Variants in MACROD2 observed in about 807,000 individuals in gnomAD.
MACROD2 encodes mono-ADP ribosylhydrolase 2, also known as ADP-ribose glycohydrolase MACROD2.
A neutral mutation model predicts 70.4 loss-of-function variants in MACROD2; 36 were observed. That is an observed-to-expected ratio of 0.51 (90% CI 0.39 to 0.68). The LOEUF (loss-of-function observed/expected upper bound fraction) is 0.68. MACROD2 is among the 30% of genes least tolerant of loss of function. The pLI, the probability that MACROD2 is intolerant of heterozygous loss-of-function variation, is 0.00. For missense variants in MACROD2, 496 were observed against 538.4 expected (o/e 0.92, Z 0.78); for synonymous variants, 172 against 178.8 (o/e 0.96, Z 0.30).
chr20:15,851,980 A>G (rs2064304270), intron 8 of MACROD2, among the ~76,000 whole-genome samples: 1 of 152,126 alleles, frequency 6.6e-6, no homozygotes, highest in Admixed American at 6.6e-5. Context: ...TTTGACTGGC[A>G]TTTCCCCTCA....
At chr20:15,880,728 A>C (rs1030145788) in intron 9 of MACROD2, among the ~76,000 whole-genome samples, 1 of 152,020 alleles carries the variant, frequency 6.6e-6, no homozygotes, top group Non-Finnish European at 1.5e-5. Context: ...TATTACTTGA[A>C]TGGGATTCAG....
intron 3 of MACROD2, among the ~76,000 whole-genome samples, chr20:14,195,687 G>T (rs75406187): frequency 0.016 from 2,494 of 152,198 alleles, 66 homozygotes; most frequent in African/African-American, 0.057. Flanking sequence ...AGGGGAGCAC[G>T]CCGGATGCTA....
intron 8 of MACROD2, among the ~76,000 whole-genome samples, chr20:15,604,859 A>AT (rs1282714241): frequency 6.6e-6 from 1 of 152,210 alleles, no homozygotes; most frequent in Non-Finnish European, 1.5e-5. Flanking sequence ...TGATGAAATA[A>AT]TTTCATAACA....
chr20:15,112,870 T>C (rs950622755), intron 5 of MACROD2, among the ~76,000 whole-genome samples: 7 of 152,168 alleles, frequency 4.6e-5, no homozygotes, highest in Non-Finnish European at 1.0e-4. Flanking sequence ...AGGTATGTCA[T>C]ATAAGTGGAA....
chr20:15,046,562 T>A (rs1282418856), intron 5 of MACROD2, among the ~76,000 whole-genome samples: 1 of 152,236 alleles, frequency 6.6e-6, no homozygotes, highest in Admixed American at 6.5e-5. Flanking sequence ...CACACATGCA[T>A]GTATGTATTA....
chr20:15,659,310 T>A (rs113736269), intron 8 of MACROD2, among the ~76,000 whole-genome samples: 1 of 124,456 alleles, frequency 8.0e-6, no homozygotes, highest in African/African-American at 3.2e-5. Context: ...ACAGCTTTTT[T>A]TTTTTTTTTT....
intron 8 of MACROD2, among the ~76,000 whole-genome samples, chr20:15,778,834 T>C (rs150485460): frequency 7.2e-5 from 11 of 152,122 alleles, no homozygotes; most frequent in Admixed American, 7.2e-4. Context: ...TTGAAGGAAC[T>C]GACCAGCAAA....
intron 4 of MACROD2, among the ~76,000 whole-genome samples, chr20:14,602,433 G>A (rs1187996657): frequency 1.3e-5 from 2 of 152,108 alleles, no homozygotes; most frequent in African/African-American, 4.8e-5. Context: ...GAACCTCTGG[G>A]GACTCTTCCC....
At chr20:15,525,203 T>A (rs2047706004) in intron 8 of MACROD2, among the ~76,000 whole-genome samples, 1 of 152,180 alleles carries the variant, frequency 6.6e-6, no homozygotes, top group Non-Finnish European at 1.5e-5. Flanking sequence ...CTCTTGCACT[T>A]CTCCCTCAGA....
At chr20:14,342,530 A>G (rs1164871803) in intron 3 of MACROD2, among the ~76,000 whole-genome samples, 1 of 152,184 alleles carries the variant, frequency 6.6e-6, no homozygotes, top group Non-Finnish European at 1.5e-5. Context: ...AAATATATAG[A>G]GAGTGCACTA....
At chr20:14,329,989 A>G (rs549306546) in intron 3 of MACROD2, among the ~76,000 whole-genome samples, 1 of 152,068 alleles carries the variant, frequency 6.6e-6, no homozygotes, top group South Asian at 2.1e-4. Context: ...TTCAAGTCAT[A>G]TTTAGTTTTT....
intron 3 of MACROD2, among the ~76,000 whole-genome samples, chr20:14,192,065 A>G (rs916961308): frequency 6.6e-6 from 1 of 152,214 alleles, no homozygotes; most frequent in Non-Finnish European, 1.5e-5. Context: ...ACATCACTAC[A>G]GAGTCTTTCA....
At chr20:15,200,428 G>A (rs142062033) in intron 5 of MACROD2, among the ~76,000 whole-genome samples, 1 of 152,298 alleles carries the variant, frequency 6.6e-6, no homozygotes, top group East Asian at 1.9e-4. Context: ...ATCACTGTTA[G>A]TAGCTGCAGA....
At chr20:15,611,049 C>G (rs1044700692) in intron 8 of MACROD2, among the ~76,000 whole-genome samples, 2 of 131,470 alleles carry the variant, frequency 1.5e-5, no homozygotes, top group Non-Finnish European at 3.1e-5. Context: ...TCTGCCCTCT[C>G]AGTCTGCCAA....
At chr20:14,329,363 A>G (rs2082792911) in intron 3 of MACROD2, 1 of 152,138 alleles carries the variant, frequency 6.6e-6, no homozygotes, top group Non-Finnish European at 1.5e-5. Flanking sequence ...ACTATTAATA[A>G]TGAACTTTAA....
chr20:15,032,242 C>T (rs1343543187), intron 5 of MACROD2, among the ~76,000 whole-genome samples: 2 of 152,188 alleles, frequency 1.3e-5, no homozygotes, highest in Non-Finnish European at 2.9e-5. Flanking sequence ...GGAGCTGTGG[C>T]TGGGCGACTG....
At position 15,261,700 on chromosome 20, in the gene MACROD2, A is replaced by C. The variant is rs369087226; in HGVS notation, c.540+31639A>C. On this transcript the variant is annotated intron_variant, in intron 6 of 17. Transcript: ENST00000684519. ...TATAGAACAATTAGCTAAAATTAGCATGTAAATTTGAACAATATTATATTG... is the reference window on the plus strand; with the variant it reads ...TATAGAACAATTAGCTAAAATTAGCCTGTAAATTTGAACAATATTATATTG... Among the ~76,000 whole-genome samples the C allele has an allele frequency of 2.6e-5, 4 of 152,128 alleles. No individual in the cohort carries two copies. In the South Asian group the frequency reaches 8.3e-4, roughly 32 times the overall value.
intron 3 of MACROD2, among the ~76,000 whole-genome samples, chr20:14,464,229 T>G (rs2084409794): frequency 6.6e-6 from 1 of 152,052 alleles, no homozygotes; most frequent in Admixed American, 6.6e-5. Flanking sequence ...ATTGGTCTAT[T>G]CAGAGATTCA....
intron 9 of MACROD2, among the ~76,000 whole-genome samples, chr20:15,877,416 A>G (rs1316617474): frequency 6.6e-6 from 1 of 152,020 alleles, no homozygotes; most frequent in Non-Finnish European, 1.5e-5. Flanking sequence ...TTGAGTGCTC[A>G]TTTTGGCCAA....
Sources: allele counts gnomAD v4.1 joint callset (sites outside exome capture counted in the v4.1 genomes callset), GRCh38; gene constraint gnomAD v4.1.1; transcripts MANE v1.5; gene names NCBI Gene and HGNC (gene_info 2026-07-23, HGNC 2026-07-21).